CNTNAP2: variants seen among roughly 807,000 people sequenced by gnomAD.
CNTNAP2 encodes contactin-associated protein-like 2.
A neutral mutation model predicts 155.2 loss-of-function variants in CNTNAP2; 98 were observed. The ratio of observed to expected loss-of-function variants is 0.63; its 90% CI spans 0.54 to 0.75. CNTNAP2 has a LOEUF of 0.75. CNTNAP2 is among the 30% of genes least tolerant of loss of function. CNTNAP2 has a pLI of 0.00. For synonymous variants in CNTNAP2, 651 were observed against 631.2 expected (o/e 1.03, Z -0.47); for missense variants, 1,727 against 1,688.1 (o/e 1.02, Z -0.40).
chr7:147,062,059 C>T (rs371208156), intron 4 of CNTNAP2, among the ~76,000 whole-genome samples: 5,349 of 128,612 alleles, frequency 0.042, no homozygotes, highest in African/African-American at 0.14. Flanking sequence ...ACCCGGGAGG[C>T]AGAGCTTGCA....
intron 1 of CNTNAP2, among the ~76,000 whole-genome samples, chr7:146,669,847 G>C (rs1800269519): frequency 2.1e-5 from 1 of 47,424 alleles, no homozygotes; most frequent in Non-Finnish European, 4.7e-5. Context: ...AAGCAAATTT[G>C]GAGTTCTAAT....
intron 2 of CNTNAP2, among the ~76,000 whole-genome samples, chr7:146,831,839 AT>A (rs1310921639): frequency 6.6e-6 from 1 of 152,020 alleles, no homozygotes; most frequent in African/African-American, 2.4e-5. Context: ...AAACAGTACT[AT>A]TTTCCTGTCA....
At chr7:146,694,650 C>T (rs554538175) in intron 1 of CNTNAP2, among the ~76,000 whole-genome samples, 24 of 152,140 alleles carry the variant, frequency 1.6e-4, no homozygotes, top group Admixed American at 1.2e-3. Context: ...CTGGAATTTT[C>T]GTTGAGATTG....
At chr7:146,385,160 C>G (rs1795442970) in intron 1 of CNTNAP2, among the ~76,000 whole-genome samples, 1 of 151,962 alleles carries the variant, frequency 6.6e-6, no homozygotes, top group Admixed American at 6.6e-5. Context: ...TTTTCTACCA[C>G]TAGGTTTCCT....
intron 6 of CNTNAP2, 27 bp from the exon 7 acceptor site, chr7:147,128,666 T>C: frequency 2.5e-6 from 4 of 1,613,554 alleles, no homozygotes; most frequent in Non-Finnish European, 3.4e-6. Flanking sequence ...AATGTGGACG[T>C]TTACATTTAA....
At chr7:146,876,396 C>T (rs940502649) in intron 3 of CNTNAP2, among the ~76,000 whole-genome samples, 7 of 151,998 alleles carry the variant, frequency 4.6e-5, no homozygotes, top group African/African-American at 1.2e-4. Flanking sequence ...AAAATAGCTC[C>T]TCCGTAAAGA....
intron 1 of CNTNAP2, among the ~76,000 whole-genome samples, chr7:146,127,522 G>A (rs534825775): frequency 7.2e-5 from 11 of 152,166 alleles, no homozygotes; most frequent in East Asian, 1.9e-4. Context: ...AAGTAAATGT[G>A]TATCTATCAT....
At chr7:146,906,370 C>A (rs1251275819) in intron 3 of CNTNAP2, among the ~76,000 whole-genome samples, 3 of 152,148 alleles carry the variant, frequency 2.0e-5, no homozygotes, top group Non-Finnish European at 1.5e-5. Context: ...AACAAAAAGA[C>A]AGCAGTAACC....
chr7:148,008,150 T>G (rs554438325), intron 15 of CNTNAP2, among the ~76,000 whole-genome samples: 1 of 150,906 alleles, frequency 6.6e-6, no homozygotes, highest in East Asian at 2.0e-4. Context: ...GATCACGAGG[T>G]CAGGAGTTCA....
chr7:148,052,741 GT>G (rs1802917573), intron 15 of CNTNAP2, among the ~76,000 whole-genome samples: 1 of 152,134 alleles, frequency 6.6e-6, no homozygotes, highest in South Asian at 2.1e-4. Flanking sequence ...CCGTATAACA[GT>G]ATTCCTTAAA....
chr7:146,343,632 TA>T (rs957088781), intron 1 of CNTNAP2, among the ~76,000 whole-genome samples: 5 of 152,312 alleles, frequency 3.3e-5, no homozygotes, highest in Admixed American at 2.6e-4. Flanking sequence ...AATATGCTAT[TA>T]AAAATATGAA....
chr7:146,323,010 G>C (rs1022120246), intron 1 of CNTNAP2, among the ~76,000 whole-genome samples: 1 of 152,006 alleles, frequency 6.6e-6, no homozygotes, highest in Non-Finnish European at 1.5e-5. Flanking sequence ...AGCCAAAAGA[G>C]CCTTATATGC....
chr7:148,038,842 GGA>G (rs1802618455), intron 15 of CNTNAP2, among the ~76,000 whole-genome samples: 1 of 151,444 alleles, frequency 6.6e-6, no homozygotes, highest in Admixed American at 6.6e-5. Flanking sequence ...ATGGATGGAT[GGA>G]TGGATGGATG....
At chr7:146,635,532 G>C (rs546633295) in intron 1 of CNTNAP2, among the ~76,000 whole-genome samples, 56 of 152,228 alleles carry the variant, frequency 3.7e-4, no homozygotes, top group African/African-American at 1.3e-3. Flanking sequence ...AAACATCTCT[G>C]AAAGTGTAAA....
intron 11 of CNTNAP2, among the ~76,000 whole-genome samples, chr7:147,487,837 A>G (rs1275777670): frequency 3.9e-5 from 6 of 152,214 alleles, no homozygotes; most frequent in Non-Finnish European, 8.8e-5. Context: ...CTCCAAAGGT[A>G]AAAGACAAAA....
intron 8 of CNTNAP2, among the ~76,000 whole-genome samples, chr7:147,283,149 C>T (rs923178666): frequency 4.0e-5 from 6 of 151,842 alleles, no homozygotes; most frequent in African/African-American, 1.5e-4. Flanking sequence ...TTTGACACAT[C>T]TATACCCCCA....
At chr7:146,964,940 G>A (rs948336321) in intron 3 of CNTNAP2, among the ~76,000 whole-genome samples, 18 of 151,678 alleles carry the variant, frequency 1.2e-4, no homozygotes, top group African/African-American at 3.6e-4. Context: ...GTTGAGAATC[G>A]TTTAGGAAAT....
At chr7:147,140,731 C>T (rs942244419) in intron 8 of CNTNAP2, among the ~76,000 whole-genome samples, 1 of 152,068 alleles carries the variant, frequency 6.6e-6, no homozygotes, top group Non-Finnish European at 1.5e-5. Flanking sequence ...CAGCTAACCC[C>T]ATGGCCAAGA....
In CNTNAP2 at chr7:146,730,325, A is replaced by G. The variant is rs115335375; in HGVS notation, c.98-43946A>G. On this transcript the variant is annotated intron_variant, in intron 1 of 23. Transcript: ENST00000361727. ...ATCACATTAACTTTCATTGTCATTT[A>G]ATTGCTCCATGTCCTCCTTGTTTTC... Among the ~76,000 whole-genome samples, 974 of 152,262 alleles carry G rather than the reference A, an allele frequency of 6.4e-3. 9 individuals carry two copies. The highest frequency in any genetic ancestry group is 0.022 in the African/African-American group (921 of 41,548).
Sources: allele counts gnomAD v4.1 joint callset (sites outside exome capture counted in the v4.1 genomes callset), GRCh38; gene constraint gnomAD v4.1.1; transcripts MANE v1.5; gene names NCBI Gene and HGNC (gene_info 2026-07-23, HGNC 2026-07-21).